Variants in ASTN1 observed in about 807,000 individuals in gnomAD.
The protein encoded by ASTN1 is astrotactin 1, also known as astrotactin-1.
In ASTN1, 41 loss-of-function variants were observed where a neutral mutation model predicts 140.7. That is an observed-to-expected ratio of 0.29 (90% CI 0.23 to 0.38). The LOEUF (loss-of-function observed/expected upper bound fraction) is 0.38. Among genes scored for constraint, ASTN1 ranks in the 10% least tolerant of loss-of-function variants. The pLI is 1.00. For synonymous variants in ASTN1, 640 were observed against 652.2 expected, an observed-to-expected ratio of 0.98 and a Z score of 0.29; for missense variants, 1,479 against 1,678.8, an observed-to-expected ratio of 0.88 and a Z score of 2.08.
At chr1:177,147,568 G>A (rs959255338) in intron 1 of ASTN1, among the ~76,000 whole-genome samples, 27 of 152,276 alleles carry the variant, frequency 1.8e-4, no homozygotes, top group Admixed American at 1.4e-3. Context: ...TACCTAAGAC[G>A]TATAAGGCAG....
intron 1 of ASTN1, among the ~76,000 whole-genome samples, chr1:177,111,159 G>A (rs568576148): frequency 6.6e-6 from 1 of 152,290 alleles, no homozygotes; most frequent in East Asian, 1.9e-4. Flanking sequence ...CCAAGCACTT[G>A]ATATCTGAGC....
chr1:176,880,161 C>T (rs1668735772), intron 20 of ASTN1, among the ~76,000 whole-genome samples: 2 of 152,164 alleles, frequency 1.3e-5, no homozygotes, highest in African/African-American at 4.8e-5. Flanking sequence ...ATTGTTCAGC[C>T]CACAGCTAGA....
chr1:176,863,740 A>T lies in ASTN1; in HGVS notation c.*544T>A. 1 of 986,848 alleles carries T rather than the reference A, an allele frequency of 1.0e-6. No homozygotes were observed. Among genetic ancestry groups the T allele is most frequent in the Non-Finnish European group, 1.2e-6 (1 of 830,904 alleles). The allele number at this position is 986,848 out of a possible 1,614,324, so 61.1% of individuals were successfully genotyped here. A position where few individuals can be genotyped will look rare whatever the true frequency, so the allele number is the denominator to read the frequency against. On this transcript the variant is annotated 3_prime_UTR_variant, in exon 23 of 23. Coordinates refer to ENST00000361833, the MANE Select transcript of ASTN1 (RefSeq NM_004319.3). ...AGCAAGGCCTAGGAAGAAAACCAGG[A>T]GACACAGACAAGGGCCACCTTCCTC...
chr1:177,129,189 T>C (rs377418989), intron 1 of ASTN1, among the ~76,000 whole-genome samples: 5 of 152,294 alleles, frequency 3.3e-5, no homozygotes, highest in African/African-American at 1.2e-4. Flanking sequence ...AATTTCCCAG[T>C]AGGCATATGT....
intron 1 of ASTN1, among the ~76,000 whole-genome samples, chr1:177,083,175 A>T (rs537033098): frequency 1.8e-4 from 28 of 152,228 alleles, no homozygotes; most frequent in Admixed American, 5.2e-4. Context: ...CTGGAGAAAT[A>T]GGTTTAGTGA....
At chr1:177,004,310 G>T (rs1674886622) in intron 8 of ASTN1, among the ~76,000 whole-genome samples, 1 of 151,840 alleles carries the variant, frequency 6.6e-6, no homozygotes, top group Non-Finnish European at 1.5e-5. Context: ...ACTGCTAAAA[G>T]AAATCATACA....
intron 15 of ASTN1, among the ~76,000 whole-genome samples, chr1:176,935,761 TTCTCTC>T (rs879671358): frequency 3.4e-5 from 5 of 148,794 alleles, no homozygotes; most frequent in African/African-American, 7.4e-5. Context: ...CTCTCTCTCT[TTCTCTC>T]TCTCTCTCTC....
At chr1:177,087,730 A>C (rs1411249541) in intron 1 of ASTN1, among the ~76,000 whole-genome samples, 1 of 152,228 alleles carries the variant, frequency 6.6e-6, no homozygotes, top group Non-Finnish European at 1.5e-5. Flanking sequence ...AGCTATTCAG[A>C]GAGCCCAAGG....
At chr1:177,004,341 A>G (rs1360550898) in intron 8 of ASTN1, among the ~76,000 whole-genome samples, 1 of 152,128 alleles carries the variant, frequency 6.6e-6, no homozygotes, top group Non-Finnish European at 1.5e-5. Context: ...AAATGGGAAC[A>G]CCTCCCATGC....
At chr1:176,887,413 T>C (rs966491851) in intron 18 of ASTN1, among the ~76,000 whole-genome samples, 2 of 152,164 alleles carry the variant, frequency 1.3e-5, no homozygotes, top group African/African-American at 4.8e-5. Flanking sequence ...AAGTTCACTT[T>C]CCACTTCTCC....
At chr1:177,017,513 A>C (rs1271001464) in intron 7 of ASTN1, among the ~76,000 whole-genome samples, 1 of 152,208 alleles carries the variant, frequency 6.6e-6, no homozygotes, top group Non-Finnish European at 1.5e-5. Flanking sequence ...ACAGGCTCCG[A>C]CTGTTAGCTG....
intron 1 of ASTN1, among the ~76,000 whole-genome samples, chr1:177,110,593 C>A (rs1269919317): frequency 6.6e-6 from 1 of 152,192 alleles, no homozygotes; most frequent in Non-Finnish European, 1.5e-5. Context: ...GGAGTACCTA[C>A]TATGTGCAAG....
chr1:176,953,312 G>A (rs1672268855), intron 11 of ASTN1, among the ~76,000 whole-genome samples: 1 of 152,144 alleles, frequency 6.6e-6, no homozygotes, highest in Admixed American at 6.5e-5. Flanking sequence ...AGGGCCTCTG[G>A]GAGAAAAGGG....
intron 1 of ASTN1, among the ~76,000 whole-genome samples, chr1:177,160,699 A>C (rs1172931301): frequency 6.6e-6 from 1 of 152,214 alleles, no homozygotes; most frequent in Non-Finnish European, 1.5e-5. Flanking sequence ...GAAATATGAA[A>C]TTTTAGTTCA....
chr1:177,089,928 G>A (rs970837184), intron 1 of ASTN1, among the ~76,000 whole-genome samples: 7 of 151,908 alleles, frequency 4.6e-5, no homozygotes, highest in South Asian at 4.2e-4. Flanking sequence ...CATCCTCTTC[G>A]GTTCCAACAT....
At chr1:177,057,345 T>C (rs1677858061) in intron 2 of ASTN1, among the ~76,000 whole-genome samples, 1 of 152,232 alleles carries the variant, frequency 6.6e-6, no homozygotes, top group African/African-American at 2.4e-5. Flanking sequence ...TTCTCATTCA[T>C]ACAATGCCAT....
At chr1:177,032,340 A>G in intron 3 of ASTN1, 116 bp downstream of exon 3, 1 of 1,369,860 alleles carries the variant, frequency 7.3e-7, no homozygotes. Flanking sequence ...AGGGAAGGGC[A>G]CTGCCACATC....
intron 1 of ASTN1, among the ~76,000 whole-genome samples, chr1:177,150,598 A>G (rs1396318510): frequency 6.6e-6 from 1 of 152,180 alleles, no homozygotes; most frequent in Non-Finnish European, 1.5e-5. Flanking sequence ...GTGAAAGAGT[A>G]TGAGAAAGCT....
chr1:177,125,621 T>A (rs542049515), intron 1 of ASTN1, among the ~76,000 whole-genome samples: 2 of 152,342 alleles, frequency 1.3e-5, no homozygotes, highest in African/African-American at 4.8e-5. Flanking sequence ...TATAAAACAC[T>A]GTATTGGCTC....
Sources: gnomAD v4.1 joint callset for allele counts (sites outside exome capture counted in the v4.1 genomes callset) on GRCh38, gnomAD v4.1.1 for gene constraint, MANE v1.5 for transcripts, NCBI Gene and HGNC (gene_info 2026-07-23, HGNC 2026-07-21) for gene names.